The following EIF5B variants were observed in gnomAD, a reference collection of about 807,000 sequenced individuals.
EIF5B encodes the protein eukaryotic translation initiation factor 5B, also known as eIF-5B.
In EIF5B, 47 loss-of-function variants were observed where a neutral mutation model predicts 147.5. The ratio of observed to expected loss-of-function variants is 0.32; its 90% confidence interval spans 0.25 to 0.41. The LOEUF is 0.41. Among genes scored for constraint, EIF5B ranks in the 10% least tolerant of loss-of-function variants. EIF5B has a pLI of 1.00. For synonymous variants in EIF5B, 455 were observed against 456.2 expected (o/e 1.00, Z 0.03); for missense variants, 1,064 against 1,413.2 (o/e 0.75, Z 3.96).
intron 21 of EIF5B, among the ~76,000 whole-genome samples, chr2:99,396,433 G>A (rs1675049083): frequency 6.6e-6 from 1 of 152,188 alleles, no homozygotes; most frequent in Admixed American, 6.5e-5. Context: ...CCAGACTGTG[G>A]CTGACATCTT....
intron 1 of EIF5B, among the ~76,000 whole-genome samples, chr2:99,342,985 G>A (rs927171396): frequency 4.0e-5 from 6 of 148,474 alleles, no homozygotes; most frequent in East Asian, 4.0e-4. Context: ...TTTTGAGACC[G>A]GGTCTTACTC....
intron 1 of EIF5B, chr2:99,338,421 A>T: frequency 2.0e-6 from 2 of 987,146 alleles, no homozygotes; most frequent in Non-Finnish European, 2.8e-6. Context: ...GTTACATTAC[A>T]CGTTCGTACA....
At chr2:99,361,064 T>A (rs550653327) in intron 3 of EIF5B, 84 bp from the exon 4 acceptor site, 9 of 1,204,180 alleles carry the variant, frequency 7.5e-6, no homozygotes, top group South Asian at 6.4e-5. Context: ...TTGAGATTTT[T>A]AAAAAATGTT....
At chr2:99,383,518 A>G (rs1388480305) in intron 14 of EIF5B, among the ~76,000 whole-genome samples, 1 of 152,228 alleles carries the variant, frequency 6.6e-6, no homozygotes, top group Non-Finnish European at 1.5e-5. Context: ...CCTTAAGCCA[A>G]AGCCTAATCT....
At chr2:99,345,294 AATGTCTAAC>A (rs1401972286) in intron 1 of EIF5B, among the ~76,000 whole-genome samples, 4 of 152,104 alleles carry the variant, frequency 2.6e-5, no homozygotes, top group African/African-American at 9.7e-5. Context: ...GCCTATTTGA[AATGTCTAAC>A]ATGCGACCGG....
Position 99,401,176 on chromosome 2 carries a change from T to C in EIF5B, c.*1762T>C, listed in dbSNP as rs1675340567. 8.2e-6 allele frequency: 8 copies of C among 971,324 alleles called. No homozygotes were observed. The highest frequency in any genetic ancestry group is 1.3e-5 in the Non-Finnish European group (8 of 607,572). 60.2% of individuals were successfully genotyped at this position (971,324 alleles called of 1,614,324 possible). A position where few individuals can be genotyped will look rare whatever the true frequency, so the allele number is the denominator to read the frequency against. On this transcript the variant is annotated 3_prime_UTR_variant, in exon 24 of 24. Transcript: ENST00000289371. ...AACTCCGAGCATTACTATCATGCAC[T>C]TTGCAAATACCTCACAAGCACTTAT...
At chr2:99,368,688 C>A in intron 7 of EIF5B, 97 bp downstream of exon 7, 2 of 875,884 alleles carry the variant, frequency 2.3e-6, no homozygotes, top group Non-Finnish European at 1.8e-6. Flanking sequence ...AGGAAAAAAT[C>A]CGAAATGCAT....
intron 1 of EIF5B, among the ~76,000 whole-genome samples, chr2:99,357,637 C>A (rs187572122): frequency 6.6e-6 from 1 of 152,110 alleles, no homozygotes; most frequent in African/African-American, 2.4e-5. Flanking sequence ...CAAGAAGATT[C>A]TTGAAGCTAT....
chr2:99,380,304 A>C (rs186317160), intron 12 of EIF5B, among the ~76,000 whole-genome samples: 1 of 152,078 alleles, frequency 6.6e-6, no homozygotes, highest in East Asian at 1.9e-4. Flanking sequence ...CTCCCACCTC[A>C]GCCTCCCAAA....
intron 10 of EIF5B, 102 bp downstream of exon 10, chr2:99,376,738 T>C: frequency 6.9e-7 from 1 of 1,441,066 alleles, no homozygotes; most frequent in Non-Finnish European, 9.1e-7. Flanking sequence ...TTATGTATTC[T>C]CAAGAATAGA....
Position 99,379,330 on chromosome 2 carries a change from CAT to C in EIF5B, c.1964_1965del (p.His655ArgfsTer5). ...TKILDKLRHT[H>X]VQDGEAGGIT... ...TGTCTTCTCATAGCTCCGTCACACACATGTACAAGATGGTGAAGCAGGTGGTA... is the reference window on the plus strand; with the variant it reads ...TGTCTTCTCATAGCTCCGTCACACACGTACAAGATGGTGAAGCAGGTGGTA... On this transcript the variant is annotated frameshift_variant, in exon 12 of 24. Transcript: ENST00000289371. LOFTEE classifies it high-confidence loss of function. 6.2e-7 allele frequency: 1 copy of C among 1,612,854 alleles called. No homozygotes were observed. The highest frequency in any genetic ancestry group is 8.5e-7 in the Non-Finnish European group (1 of 1,179,374).
At chr2:99,357,809 T>G (rs1674126934) in intron 1 of EIF5B, among the ~76,000 whole-genome samples, 1 of 152,184 alleles carries the variant, frequency 6.6e-6, no homozygotes. Context: ...TAGGGCAGAC[T>G]TAGGTTCTTG....
Position 99,397,054 on chromosome 2 carries a change from C to G in EIF5B, c.3393+156C>G, listed in dbSNP as rs1241092023. ...CTTAACAAATGTTTCAGTGTTTTTA[C>G]CTCAGTAGGAAGAAAATGTGGTAAC... On this transcript the variant is annotated intron_variant, in intron 22 of 23. Coordinates refer to ENST00000289371, the MANE Select transcript of EIF5B (RefSeq NM_015904.4). 1.0e-5 allele frequency: 8 copies of G among 787,978 alleles called. No homozygotes were observed. The African/African-American group carries it at 1.4e-4, about 14-fold the overall frequency. 48.8% of individuals were successfully genotyped at this position (787,978 alleles called of 1,614,324 possible).
chr2:99,352,945 T>C (rs1459259546), intron 1 of EIF5B, among the ~76,000 whole-genome samples: 8 of 150,730 alleles, frequency 5.3e-5, no homozygotes, highest in Non-Finnish European at 1.0e-4. Flanking sequence ...ACCCTAGCCA[T>C]TGGAGTAGCT....
At chr2:99,385,655 A>G (rs576988545) in intron 14 of EIF5B, among the ~76,000 whole-genome samples, 14 of 152,376 alleles carry the variant, frequency 9.2e-5, no homozygotes, top group Admixed American at 3.9e-4. Flanking sequence ...TAGAAGCACT[A>G]CTAGGAAACC....
chr2:99,352,087 T>C (rs1436876179), intron 1 of EIF5B, among the ~76,000 whole-genome samples: 2 of 152,234 alleles, frequency 1.3e-5, no homozygotes, highest in Non-Finnish European at 2.9e-5. Context: ...GTTATGTGTC[T>C]GTTCAATCAT....
At chr2:99,391,079 A>T (rs574661884) in intron 17 of EIF5B, among the ~76,000 whole-genome samples, 4 of 152,226 alleles carry the variant, frequency 2.6e-5, no homozygotes, top group Non-Finnish European at 5.9e-5. Context: ...ATTGACCAGA[A>T]GCCTTACCAA....
chr2:99,369,712 G>A (rs113958773), intron 8 of EIF5B, among the ~76,000 whole-genome samples: 73 of 152,336 alleles, frequency 4.8e-4, no homozygotes, highest in African/African-American at 1.7e-3. Flanking sequence ...GTTAGAAAAT[G>A]TTTTGTAGAA....
At chr2:99,382,293 CAG>C (rs1397471994) in intron 13 of EIF5B, 67 bp downstream of exon 13, 7 of 1,380,326 alleles carry the variant, frequency 5.1e-6, no homozygotes, top group Non-Finnish European at 7.2e-6. Flanking sequence ...AAAAGTTCAG[CAG>C]AGTCATTAAC....
Sources: allele counts gnomAD v4.1 joint callset (sites outside exome capture counted in the v4.1 genomes callset), GRCh38; gene constraint gnomAD v4.1.1; transcripts MANE v1.5; gene names NCBI Gene and HGNC (gene_info 2026-07-23, HGNC 2026-07-21).